STK32B: variants seen among roughly 807,000 people sequenced by gnomAD.
The protein encoded by STK32B is serine/threonine kinase 32B, also known as serine/threonine-protein kinase 32B.
A neutral mutation model predicts 52.6 loss-of-function variants in STK32B; 43 were observed. That is an observed-to-expected ratio of 0.82 (90% CI 0.64 to 1.05). The LOEUF (loss-of-function observed/expected upper bound fraction) is 1.05, where lower values mean the gene tolerates loss of function less well. Ranked by LOEUF, STK32B falls within the 50% of genes least tolerant of loss-of-function variation. The pLI is 0.00. For synonymous variants in STK32B, 238 were observed against 204.3 expected, an observed-to-expected ratio of 1.17 and a Z score of -1.41; for missense variants, 621 against 534.6, an observed-to-expected ratio of 1.16 and a Z score of -1.59.
intron 4 of STK32B, among the ~76,000 whole-genome samples, chr4:5,358,878 G>A (rs1447124913): frequency 6.6e-6 from 1 of 152,196 alleles, no homozygotes; most frequent in Non-Finnish European, 1.5e-5. Flanking sequence ...AGACTTCTAA[G>A]GAGTGGGTTA....
chr4:5,299,938 A>G lies in STK32B; in HGVS notation c.261-31282A>G, dbSNP rs968990339. Among the ~76,000 whole-genome samples the G allele has an allele frequency of 3.9e-5, 6 of 152,276 alleles. No individual in the cohort carries two copies. In the East Asian group the frequency reaches 7.7e-4, roughly 20 times the overall value. ...GATGGATTCCTGACCAACTCATTCT[A>G]TGAAACTAGTATCATTCTGATACCG... On this transcript the variant is annotated intron_variant, in intron 3 of 11. Coordinates refer to ENST00000282908, the MANE Select transcript of STK32B (RefSeq NM_018401.3).
At chr4:5,123,011 C>T (rs1407465709) in intron 1 of STK32B, among the ~76,000 whole-genome samples, 5 of 152,156 alleles carry the variant, frequency 3.3e-5, no homozygotes, top group Admixed American at 6.5e-5. Flanking sequence ...CAAATCCCAG[C>T]TCCCTTTCTC....
At chr4:5,063,858 T>A (rs1446968446) in intron 1 of STK32B, among the ~76,000 whole-genome samples, 1 of 152,226 alleles carries the variant, frequency 6.6e-6, no homozygotes, top group Non-Finnish European at 1.5e-5. Context: ...ATTTGCCAAT[T>A]GATTGAGCAT....
chr4:5,116,434 C>T (rs1333219945), intron 1 of STK32B, among the ~76,000 whole-genome samples: 1 of 152,164 alleles, frequency 6.6e-6, no homozygotes, highest in African/African-American at 2.4e-5. Context: ...GATATACCTA[C>T]ATCTGTGGAA....
In STK32B at chr4:5,244,865, G is replaced by T. The variant is rs545085723; in HGVS notation, c.260+76415G>T. ...TAGTCATTCAGGAGCAGGTTGTTAA[G>T]TTTCCATGTAGTTGAGCGGTTTTGA... On this transcript the variant is annotated intron_variant, in intron 3 of 11. Transcript: ENST00000282908. 8.5e-5 allele frequency among the ~76,000 whole-genome samples: 13 copies of T among 152,320 alleles called. No individual in the cohort carries two copies. In the East Asian group the frequency reaches 2.5e-3, roughly 29 times the overall value.
chr4:5,259,428 G>A (rs1394589233), intron 3 of STK32B, among the ~76,000 whole-genome samples: 1 of 152,154 alleles, frequency 6.6e-6, no homozygotes, highest in African/African-American at 2.4e-5. Flanking sequence ...TCTGGTATTC[G>A]ACTGCTAGAA....
rs1720591468 is a variant in STK32B at position 5,499,787 on chromosome 4, C to T, written c.*704C>T. ...GCAGTCCTCACCACCACCATATCCCCAGTGCTGGGATGGCACACAGGTGTC... is the reference window on the plus strand; with the variant it reads ...GCAGTCCTCACCACCACCATATCCCTAGTGCTGGGATGGCACACAGGTGTC... On this transcript the variant is annotated 3_prime_UTR_variant, in exon 12 of 12. Coordinates refer to ENST00000282908, the MANE Select transcript of STK32B (RefSeq NM_018401.3). The T allele has an allele frequency of 6.6e-6, 1 of 152,360 alleles. No individual in the cohort carries two copies. Among genetic ancestry groups the T allele is most frequent in the Non-Finnish European group, 1.5e-5 (1 of 68,162 alleles). The allele number at this position is 152,360 out of a possible 1,614,324, so 9.4% of individuals were successfully genotyped here. A position where few individuals can be genotyped will look rare whatever the true frequency, so the allele number is the denominator to read the frequency against.
At chr4:5,165,136 C>T (rs1376858806) in intron 2 of STK32B, among the ~76,000 whole-genome samples, 1 of 152,104 alleles carries the variant, frequency 6.6e-6, no homozygotes, top group African/African-American at 2.4e-5. Context: ...CTGAATTTAC[C>T]GAGGAGGTAG....
At chr4:5,142,775 G>C (rs1374288131) in intron 2 of STK32B, among the ~76,000 whole-genome samples, 1 of 152,194 alleles carries the variant, frequency 6.6e-6, no homozygotes, top group African/African-American at 2.4e-5. Context: ...CAGATGTTTG[G>C]TCAAACATCG....
At chr4:5,057,053 T>A (rs1410626395) in intron 1 of STK32B, among the ~76,000 whole-genome samples, 2 of 152,174 alleles carry the variant, frequency 1.3e-5, no homozygotes, top group African/African-American at 4.8e-5. Context: ...GAACAGCACT[T>A]AGTTGTTTTC....
chr4:5,388,620 G>T (rs915093158), intron 4 of STK32B, among the ~76,000 whole-genome samples: 3 of 152,178 alleles, frequency 2.0e-5, no homozygotes, highest in Non-Finnish European at 4.4e-5. Context: ...TGGTGAAGCA[G>T]GCTGACTCAC....
At chr4:5,135,258 G>A (rs1261083609) in intron 1 of STK32B, among the ~76,000 whole-genome samples, 1 of 152,190 alleles carries the variant, frequency 6.6e-6, no homozygotes. Flanking sequence ...GGTAGGTGTT[G>A]TATTTTACCC....
intron 3 of STK32B, among the ~76,000 whole-genome samples, chr4:5,271,695 A>C (rs537550139): frequency 1.1e-4 from 16 of 146,740 alleles, no homozygotes; most frequent in African/African-American, 3.5e-4. Context: ...AGTGGTTTGT[A>C]GTTCTCCTTG....
rs537489077 is a variant in STK32B, at chr4:5,271,099, G to A, written c.261-60121G>A. 9.2e-5 allele frequency among the ~76,000 whole-genome samples: 14 copies of A among 152,076 alleles called. No individual in the cohort carries two copies. The East Asian group carries it at 1.4e-3, about 15-fold the overall frequency. On this transcript the variant is annotated intron_variant, in intron 3 of 11. Transcript: ENST00000282908. ...ACTGCAGGTGCATGCCACCATGCCC[G>A]GCTAATTTTTGTATTTCTAGTAGAG...
chr4:5,346,275 C>G (rs774863629), intron 4 of STK32B, among the ~76,000 whole-genome samples: 3 of 152,130 alleles, frequency 2.0e-5, no homozygotes, highest in African/African-American at 7.2e-5. Context: ...GTCCTAAGAC[C>G]TTTTTGACAA....
At chr4:5,448,286 G>A (rs1164748690) in intron 7 of STK32B, among the ~76,000 whole-genome samples, 4 of 152,228 alleles carry the variant, frequency 2.6e-5, no homozygotes, top group Non-Finnish European at 5.9e-5. Context: ...TTACCTGTGA[G>A]CTGCTGCGGG....
intron 2 of STK32B, among the ~76,000 whole-genome samples, chr4:5,156,106 C>T (rs1440882653): frequency 1.3e-5 from 2 of 151,514 alleles, no homozygotes; most frequent in African/African-American, 4.9e-5. Flanking sequence ...TACATATATA[C>T]ACTCAATGTA....
chr4:5,275,699 G>A (rs955671952), intron 3 of STK32B, among the ~76,000 whole-genome samples: 2 of 152,012 alleles, frequency 1.3e-5, no homozygotes, highest in Non-Finnish European at 2.9e-5. Context: ...ATGGATGGAG[G>A]AATGAATTGG....
At chr4:5,478,933 G>A (rs568537782) in intron 11 of STK32B, among the ~76,000 whole-genome samples, 12 of 152,248 alleles carry the variant, frequency 7.9e-5, no homozygotes, top group East Asian at 7.7e-4. Flanking sequence ...CATTGGCCAC[G>A]CCCAGCTGGC....
Sources: allele counts gnomAD v4.1 joint callset (sites outside exome capture counted in the v4.1 genomes callset), GRCh38; gene constraint gnomAD v4.1.1; transcripts MANE v1.5; gene names NCBI Gene and HGNC (gene_info 2026-07-23, HGNC 2026-07-21).